Variants in MCOLN1 observed in about 807,000 individuals in gnomAD.
The protein encoded by MCOLN1 is mucolipin-1.
In MCOLN1, 50 loss-of-function variants were observed where a neutral mutation model predicts 70.3. That is an observed-to-expected ratio of 0.71 (90% confidence interval 0.57 to 0.90). The LOEUF (loss-of-function observed/expected upper bound fraction) is 0.90. Ranked by LOEUF, MCOLN1 falls within the 40% of genes least tolerant of loss-of-function variation. The pLI, the probability that MCOLN1 is intolerant of heterozygous loss-of-function variation, is 0.00. For missense variants in MCOLN1, 598 were observed against 803.5 expected, an observed-to-expected ratio of 0.74 and a Z score of 3.09; for synonymous variants, 366 against 341.0, an observed-to-expected ratio of 1.07 and a Z score of -0.81.
At position 7,526,869 on chromosome 19, in the gene MCOLN1, C is replaced by T. The variant is rs797044824; in HGVS notation, c.514C>T (p.Arg172Ter). The T allele has an allele frequency of 2.5e-6, 4 of 1,614,140 alleles. No homozygotes were observed. Among genetic ancestry groups the T allele is most frequent in the East Asian group, 2.2e-5 (1 of 44,884 alleles). ...GLALCQRYYH[R>*]GHVDPANDTF... ...TGCTCTCTGCCAGCGGTACTACCAC[C>T]GAGGCCACGTGGACCCGGCCAACGA... is the stretch of plus-strand genomic sequence containing the variant. The change falls in exon 4 of 14, where the codon CGA becomes TGA. Residue 172 changes from arginine to a stop codon, truncating the protein, a stop_gained. Transcript: ENST00000264079. LOFTEE classifies it high-confidence loss of function. The surrounding 1 kb of genome is among the most constrained non-coding windows in gnomAD (Gnocchi z 4.6).
chr19:7,523,978 A>G (rs1004292188), intron 1 of MCOLN1, among the ~76,000 whole-genome samples: 1 of 151,724 alleles, frequency 6.6e-6, no homozygotes, highest in African/African-American at 2.4e-5. Context: ...TCCCGGGTAG[A>G]TGGGGTCCCA....
chr19:7,527,799 G>C, intron 5 of MCOLN1, 65 bp from the exon 6 acceptor site: 3 of 1,346,478 alleles, frequency 2.2e-6, no homozygotes, highest in Non-Finnish European at 3.2e-6. Flanking sequence ...GGCAGGGGAC[G>C]CTGGCACTTG....
chr19:7,533,136 C>G (rs1380189162), intron 12 of MCOLN1, among the ~76,000 whole-genome samples: 1 of 152,222 alleles, frequency 6.6e-6, no homozygotes, highest in Non-Finnish European at 1.5e-5. Context: ...TGCCTTAGCA[C>G]GTAGACATCA....
Position 7,526,132 on chromosome 19 carries a change from A to G in MCOLN1, c.238-307A>G. The G allele has an allele frequency of 2.2e-6, 1 of 463,064 alleles. No homozygotes were observed. The highest frequency in any genetic ancestry group is 2.1e-5 in the South Asian group (1 of 46,812). 28.7% of individuals were successfully genotyped at this position (463,064 alleles called of 1,614,324 possible). A position where few individuals can be genotyped will look rare whatever the true frequency, so the allele number is the denominator to read the frequency against. On this transcript the variant is annotated intron_variant, in intron 2 of 13. Transcript: ENST00000264079. This position sits in a 1 kb window ranked among gnomAD's most constrained non-coding sequence, Gnocchi z 4.6. ...GTTTGGGTTTAACACAGAATCGGAC[A>G]TCCAGTAAACATTTAATGAACGTTA...
rs1276924600 is a variant in MCOLN1 at position 7,528,179 on chromosome 19, C to T, written c.799C>T (p.His267Tyr). Residue 267 changes from histidine to tyrosine, a missense_variant, in exon 7 of 14, where the codon CAC (histidine) becomes TAC (tyrosine). His to Tyr is a moderately conservative substitution (Grantham distance 83). Transcript: ENST00000264079. This position sits in a 1 kb window ranked among gnomAD's most constrained non-coding sequence, Gnocchi z 4.2. ...SVLITFDNKA[H>Y]SGRIPISLET... is the part of the protein sequence containing the mutation. ...ACAGATCACGTTTGACAACAAAGCA[C>T]ACAGTGGGCGGATCCCCATCAGCCT... 6.2e-7 allele frequency: 1 copy of T among 1,614,142 alleles called. No homozygotes were observed. Among genetic ancestry groups the T allele is most frequent in the East Asian group, 2.2e-5 (1 of 44,886 alleles).
chr19:7,527,458 CTG>C (rs2022587838), intron 4 of MCOLN1, 60 bp from the exon 5 acceptor site: 2 of 797,988 alleles, frequency 2.5e-6, no homozygotes, highest in African/African-American at 1.7e-5. Context: ...ACTGGGGACT[CTG>C]GGGAGACCAG....
Position 7,530,409 on chromosome 19 carries a change from C to T in MCOLN1, c.1483C>T (p.Gln495Ter). Residue 495 changes from glutamine to a stop codon, truncating the protein, a stop_gained, in exon 12 of 14, where the codon CAG becomes TAG. Transcript: ENST00000264079. LOFTEE classifies it high-confidence loss of function. ...CAGCAGCCTGGTGTGGCTCTTCTCCCAGCTCTACCTTTACTCCTTCATCAG... is the reference window on the plus strand; with the variant it reads ...CAGCAGCCTGGTGTGGCTCTTCTCCTAGCTCTACCTTTACTCCTTCATCAG... ...GRSSLVWLFSQLYLYSFISLF... is the reference protein window; with the variant it reads ...GRSSLVWLFS The T allele has an allele frequency of 6.2e-7, 1 of 1,613,798 alleles. No homozygotes were observed. The highest frequency in any genetic ancestry group is 8.5e-7 in the Non-Finnish European group (1 of 1,180,030).
intron 5 of MCOLN1, 50 bp from the exon 6 acceptor site, chr19:7,527,814 C>T (rs373696018): frequency 2.7e-5 from 39 of 1,457,718 alleles, no homozygotes; most frequent in African/African-American, 4.2e-5. Context: ...CACTTGGGGC[C>T]GGAAGGGACC....
In MCOLN1 at chr19:7,526,310, G is replaced by A. The variant is rs2022566776; in HGVS notation, c.238-129G>A. On this transcript the variant is annotated intron_variant, in intron 2 of 13. Transcript: ENST00000264079. This position sits in a 1 kb window ranked among gnomAD's most constrained non-coding sequence, Gnocchi z 4.6. ...AAATCCGTGTTTGTGGCCCAAGTTA[G>A]CAGGGCCCTGCCCCACCCCAGTGGA... 9.4e-7 allele frequency: 1 copy of A among 1,068,000 alleles called. No individual in the cohort carries two copies. The highest frequency in any genetic ancestry group is 1.4e-6 in the Non-Finnish European group (1 of 691,712). 66.2% of individuals were successfully genotyped at this position (1,068,000 alleles called of 1,614,324 possible).
chr19:7,527,093 A>G, intron 4 of MCOLN1, 167 bp downstream of exon 4: 1 of 838,706 alleles, frequency 1.2e-6, no homozygotes, highest in South Asian at 1.4e-5. Flanking sequence ...TGGGCCACGT[A>G]GGAAGACCTT....
intron 1 of MCOLN1, 59 bp downstream of exon 1, chr19:7,522,840 A>T (rs996072334): frequency 3.1e-6 from 4 of 1,288,750 alleles, no homozygotes. Context: ...TGTGTCTCCC[A>T]CCTGGGGCGG....
chr19:7,529,769 G>C, intron 11 of MCOLN1, 57 bp downstream of exon 11: 2 of 1,609,142 alleles, frequency 1.2e-6, no homozygotes, highest in African/African-American at 1.3e-5. Context: ...CATTGACACT[G>C]TGACCCCCAG....
rs764264222 is a variant in MCOLN1, at chr19:7,530,269, C to G, written c.1360-17C>G. 10 of 1,608,592 alleles carry G rather than the reference C, an allele frequency of 6.2e-6. No individual in the cohort carries two copies. Among genetic ancestry groups the G allele is most frequent in the South Asian group, 1.1e-5 (1 of 91,022 alleles). ...GCCATGCCTTGGCTCCCTCTGACCC[C>G]GCCGCCCCTCTGGCAGTTCCGCTCA... On this transcript the variant is annotated splice_polypyrimidine_tract_variant and intron_variant, in intron 11 of 13. Transcript: ENST00000264079.
In MCOLN1 at chr19:7,526,623, A is replaced by G; in HGVS notation, c.405+17A>G. ...GTGGACCAGGTGCTGGTGGGCGGGC[A>G]GGTGCTGGTGGGCAGGCAGGTGCAG... is the stretch of plus-strand genomic sequence containing the variant. On this transcript the variant is annotated intron_variant, in intron 3 of 13. Coordinates refer to ENST00000264079, the MANE Select transcript of MCOLN1 (RefSeq NM_020533.3). This position sits in a 1 kb window ranked among gnomAD's most constrained non-coding sequence, Gnocchi z 4.6. 1 of 1,480,220 alleles carries G rather than the reference A, an allele frequency of 6.8e-7. No homozygotes were observed. Among genetic ancestry groups the G allele is most frequent in the Non-Finnish European group, 9.1e-7 (1 of 1,099,054 alleles). 91.7% of individuals were successfully genotyped at this position (1,480,220 alleles called of 1,614,324 possible). A position where few individuals can be genotyped will look rare whatever the true frequency, so the allele number is the denominator to read the frequency against.
chr19:7,527,271 C>CAAAAAAAAAAAAAAAAAA (rs562144613), intron 4 of MCOLN1: 1 of 184,276 alleles, frequency 5.4e-6, no homozygotes, highest in Non-Finnish European at 1.0e-5. Context: ...GACCCTGTCT[C>CAAAAAAAAAAAAAAAAAA]AAAAAAAAAA....
Position 7,526,405 on chromosome 19 carries a change from C to G in MCOLN1, c.238-34C>G. 6.2e-7 allele frequency: 1 copy of G among 1,613,980 alleles called. No individual in the cohort carries two copies. Among genetic ancestry groups the G allele is most frequent in the Non-Finnish European group, 8.5e-7 (1 of 1,179,812 alleles). The stretch of plus-strand genomic sequence containing the variant: ...AGGGAGATACACCCCAACCCCCATC[C>G]TAGCCATGCCAACCTCTACTACCCT... On this transcript the variant is annotated intron_variant, in intron 2 of 13. Coordinates refer to ENST00000264079, the MANE Select transcript of MCOLN1 (RefSeq NM_020533.3). This position sits in a 1 kb window ranked among gnomAD's most constrained non-coding sequence, Gnocchi z 4.6.
intron 1 of MCOLN1, among the ~76,000 whole-genome samples, chr19:7,523,092 A>G (rs2022518489): frequency 6.6e-6 from 1 of 152,094 alleles, no homozygotes; most frequent in Admixed American, 6.5e-5. Flanking sequence ...CGATTGCTCA[A>G]CTTCGTCTGG....
At chr19:7,522,842 C>G in intron 1 of MCOLN1, 61 bp downstream of exon 1, 2 of 1,285,404 alleles carry the variant, frequency 1.6e-6, no homozygotes, top group Non-Finnish European at 2.0e-6. Flanking sequence ...TGTCTCCCAC[C>G]TGGGGCGGCG....
Position 7,527,972 on chromosome 19 carries a change from C to G in MCOLN1, c.777+12C>G. ...CCTTCAGCGTCCTGGTGAGGCCCCC[C>G]GGGAACCCACAGGGCTCCTGAGTTC... On this transcript the variant is annotated intron_variant, in intron 6 of 13. Transcript: ENST00000264079. The G allele has an allele frequency of 1.9e-6, 3 of 1,608,482 alleles. No homozygotes were observed. Among genetic ancestry groups the G allele is most frequent in the South Asian group, 1.1e-5 (1 of 90,962 alleles).
Sources: allele counts gnomAD v4.1 joint callset (sites outside exome capture counted in the v4.1 genomes callset), GRCh38; gene constraint gnomAD v4.1.1; non-coding constraint Gnocchi (gnomAD v3.1); transcripts MANE v1.5; gene names NCBI Gene and HGNC (gene_info 2026-07-23, HGNC 2026-07-21).